The following CSHL1 variants were observed in gnomAD, a reference collection of about 807,000 sequenced individuals.
CSHL1 encodes the protein chorionic somatomammotropin hormone-like 1.
Under a neutral mutation model 24.3 loss-of-function variants are expected in CSHL1, and 25 were observed. The ratio of observed to expected loss-of-function variants is 1.03; its 90% CI spans 0.75 to 1.44. CSHL1 has a LOEUF of 1.44. Ranked by LOEUF, CSHL1 falls within the 40% of genes most tolerant of loss-of-function variation. CSHL1 has a pLI of 0.00. For synonymous variants in CSHL1, 157 were observed against 115.6 expected, an observed-to-expected ratio of 1.36 and a Z score of -2.30; for missense variants, 342 against 279.3, an observed-to-expected ratio of 1.22 and a Z score of -1.60.
rs372091896 is a variant in CSHL1, at chr17:63,910,340, A to T, written c.307-14T>A. 176 of 1,614,076 alleles carry T rather than the reference A, an allele frequency of 1.1e-4. No homozygotes were observed. The African/African-American group carries it at 2.2e-3, about 20-fold the overall frequency. On this transcript the variant is annotated splice_polypyrimidine_tract_variant and intron_variant, in intron 3 of 4. Coordinates refer to ENST00000309894, the MANE Select transcript of CSHL1 (RefSeq NM_022579.3). Reference sequence around the variant, plus strand: ...CAGCTCTAAGTTCTGCAGGGGAAGGACCGGCAGTGGCTGTGCTGCCCGGGG... The same window carrying T: ...CAGCTCTAAGTTCTGCAGGGGAAGGTCCGGCAGTGGCTGTGCTGCCCGGGG...
chr17:63,910,360 C>G (rs761898428), intron 3 of CSHL1, 34 bp from the exon 4 acceptor site: 1 of 1,613,976 alleles, frequency 6.2e-7, no homozygotes, highest in Non-Finnish European at 8.5e-7. Flanking sequence ...GCTGTGCTGC[C>G]CGGGGGCTCT....
intron 2 of CSHL1, 31 bp from the exon 3 acceptor site, chr17:63,910,566 G>A: frequency 6.2e-7 from 1 of 1,614,140 alleles, no homozygotes. Context: ...CCACCAAGAA[G>A]GACCACTGCT....
At position 63,909,777 on chromosome 17, in the gene CSHL1, C is replaced by T. The variant is rs1906700955; in HGVS notation, c.603G>A (p.Met201Ile). The change falls in exon 5 of 5, where the codon ATG becomes ATA. Residue 201 changes from methionine to isoleucine, a missense_variant. Physicochemically the swap from Met to Ile is conservative, Grantham distance 10 (BLOSUM62 1). Coordinates refer to ENST00000309894, the MANE Select transcript of CSHL1 (RefSeq NM_022579.3). ...TGCGCAGGAATGTCTCGACCTTGTC[C>T]ATGTCCTTCCTGAAGCAGTGGAGCA... ...YGLLHCFRKD[M>I]DKVETFLRMV... 6.2e-7 allele frequency: 1 copy of T among 1,614,090 alleles called. No individual in the cohort carries two copies. Among genetic ancestry groups the T allele is most frequent in the Non-Finnish European group, 8.5e-7 (1 of 1,179,982 alleles).
At chr17:63,909,962 C>T in intron 4 of CSHL1, 54 bp from the exon 5 acceptor site, 2 of 1,613,996 alleles carry the variant, frequency 1.2e-6, no homozygotes, top group Non-Finnish European at 1.7e-6. Context: ...CTGTTCCCTC[C>T]CTCTCTCATT....
chr17:63,910,486 C>A lies in CSHL1; in HGVS notation c.240G>T (p.Gln80His), dbSNP rs200860141. 1.2e-6 allele frequency: 2 copies of A among 1,614,164 alleles called. No individual in the cohort carries two copies. The highest frequency in any genetic ancestry group is 3.3e-5 in the Admixed American group (2 of 60,020). ...TAGAGTCTGAGAAGCAGAAGGAGGT[C>A]TGGGAGTCATGCAGGAATGAATACT... is the stretch of plus-strand genomic sequence containing the variant. The part of the protein sequence containing the change: ...EQKYSFLHDS[Q>H]TSFCFSDSIP... Residue 80 changes from glutamine to histidine, a missense_variant, in exon 3 of 5, where the codon CAG (glutamine) becomes CAT (histidine). Physicochemically the swap from Gln to His is conservative, Grantham distance 24 (BLOSUM62 0). Coordinates refer to ENST00000309894, the MANE Select transcript of CSHL1 (RefSeq NM_022579.3).
rs142039417 is a variant in CSHL1 at position 63,911,254 on chromosome 17, A to T, written c.-58T>A. 34,883 of 1,613,730 alleles carry T rather than the reference A, an allele frequency of 0.022. 459 individuals are homozygous for T. The highest frequency in any genetic ancestry group is 0.025 in the Non-Finnish European group (29,564 of 1,179,794). On this transcript the variant is annotated 5_prime_UTR_variant, in exon 1 of 5. Transcript: ENST00000309894. ...GTGGTGCGGGGAGTCGGGCCTTGGG[A>T]TGCTGGAGCTGGTCTCTTGTGGGCC...
rs1219261373 is a variant in CSHL1 at position 63,909,841 on chromosome 17, T to G, written c.539A>C (p.Asn180Thr). ...LKQTYSKFDT[N>T]SHNHDALLKN... ...GAGCAGTGCGTCATGGTTGTGCGAG[T>G]TTGTGTCAAACTTGCTGTAGGTCTG... is the stretch of plus-strand genomic sequence containing the variant. The change falls in exon 5 of 5, where the codon AAC becomes ACC. Residue 180 changes from asparagine to threonine, a missense_variant. Coordinates refer to ENST00000309894, the MANE Select transcript of CSHL1 (RefSeq NM_022579.3). 2 of 1,613,650 alleles carry G rather than the reference T, an allele frequency of 1.2e-6. No individual in the cohort carries two copies. Among genetic ancestry groups the G allele is most frequent in the African/African-American group, 2.7e-5 (2 of 74,824 alleles).
Position 63,909,608 on chromosome 17 carries a change from A to C in CSHL1, c.*103T>G. On this transcript the variant is annotated 3_prime_UTR_variant, in exon 5 of 5. Coordinates refer to ENST00000309894, the MANE Select transcript of CSHL1 (RefSeq NM_022579.3). ...AGAAGGACACCTAGTCAGATGAAACAATACAACTTAATTTTATTAAGACAA... is the reference window on the plus strand; with the variant it reads ...AGAAGGACACCTAGTCAGATGAAACCATACAACTTAATTTTATTAAGACAA... The C allele has an allele frequency of 1.3e-6, 2 of 1,585,796 alleles. No homozygotes were observed. Among genetic ancestry groups the C allele is most frequent in the East Asian group, 2.3e-5 (1 of 44,186 alleles).
chr17:63,909,882 A>G lies in CSHL1; in HGVS notation c.498T>C (p.Thr166=), dbSNP rs1906727880. Reference sequence around the variant, plus strand: ...TGTAGGTCTGCTTGAGGGTCTGCCCAGTCAGGTGGCTGCCGTCTTCCAGCC... The same window carrying G: ...TGTAGGTCTGCTTGAGGGTCTGCCCGGTCAGGTGGCTGCCGTCTTCCAGCC... ...MGRLEDGSHL[T]GQTLKQTYSK... The change falls in exon 5 of 5, where the codon ACT becomes ACC. Residue 166 remains threonine, a synonymous_variant. Coordinates refer to ENST00000309894, the MANE Select transcript of CSHL1 (RefSeq NM_022579.3). 4 of 1,614,004 alleles carry G rather than the reference A, an allele frequency of 2.5e-6. No homozygotes were observed. Among genetic ancestry groups the G allele is most frequent in the Non-Finnish European group, 3.4e-6 (4 of 1,179,870 alleles).
Position 63,910,490 on chromosome 17 carries a change from G to T in CSHL1, c.236C>A (p.Ser79Tyr). The T allele has an allele frequency of 1.9e-6, 3 of 1,614,184 alleles. No individual in the cohort carries two copies. The highest frequency in any genetic ancestry group is 2.5e-6 in the Non-Finnish European group (3 of 1,180,036). The change falls in exon 3 of 5, where the codon TCC becomes TAC. Residue 79 changes from serine (S) to tyrosine (Y), a missense_variant. Ser to Tyr is a moderately radical substitution (Grantham distance 144, BLOSUM62 -2). Coordinates refer to ENST00000309894, the MANE Select transcript of CSHL1 (RefSeq NM_022579.3). ...GTCTGAGAAGCAGAAGGAGGTCTGG[G>T]AGTCATGCAGGAATGAATACTTCTG... Reference protein sequence around the residue: ...KEQKYSFLHDSQTSFCFSDSI... With the variant: ...KEQKYSFLHDYQTSFCFSDSI...
At position 63,910,237 on chromosome 17, in the gene CSHL1, C is replaced by A. The variant is rs1203563282; in HGVS notation, c.396G>T (p.Leu132=). ...CATCGCTGTCCGAGGTGTCATACACCAGGTTGTTGGTGAAGGTACTCCTGA... is the reference window on the plus strand; with the variant it reads ...CATCGCTGTCCGAGGTGTCATACACAAGGTTGTTGGTGAAGGTACTCCTGA... The part of the protein sequence containing the change: ...RFLRSTFTNN[L]VYDTSDSDDY... The change falls in exon 4 of 5, where the codon CTG becomes CTT. Residue 132 remains leucine, a synonymous_variant. Coordinates refer to ENST00000309894, the MANE Select transcript of CSHL1 (RefSeq NM_022579.3). 3.0e-5 allele frequency: 48 copies of A among 1,607,738 alleles called. No homozygotes were observed. The highest frequency in any genetic ancestry group is 3.9e-5 in the Non-Finnish European group (46 of 1,179,864).
rs201773152 is a variant in CSHL1, at chr17:63,910,797, T to C, written c.138A>G (p.Ala46=). Residue 46 remains alanine (A), a synonymous_variant, in exon 2 of 5, where the codon GCA becomes GCG. Transcript: ENST00000309894. The stretch of plus-strand genomic sequence containing the variant: ...GGTAGGTGTCAATGGCCAGCTGGTG[T>C]GCGCGATGGGCTTGGAGCATAGCCT... ...FKEAMLQAHR[A]HQLAIDTYQE... 6.9e-5 allele frequency: 111 copies of C among 1,614,162 alleles called. No individual in the cohort carries two copies. Among genetic ancestry groups the C allele is most frequent in the East Asian group, 3.6e-4 (16 of 44,866 alleles).
Position 63,911,216 on chromosome 17 carries a change from C to A in CSHL1, c.-20G>T. ...AGCCATTGCCGCTAGGTGAGCTGTC[C>A]ACAGGACCCTGAGTGGTGCGGGGAG... On this transcript the variant is annotated 5_prime_UTR_variant, in exon 1 of 5. Coordinates refer to ENST00000309894, the MANE Select transcript of CSHL1 (RefSeq NM_022579.3). The A allele has an allele frequency of 1.9e-6, 3 of 1,613,998 alleles. No homozygotes were observed. Among genetic ancestry groups the A allele is most frequent in the Non-Finnish European group, 2.5e-6 (3 of 1,179,868 alleles).
At chr17:63,910,584 C>T in intron 2 of CSHL1, 49 bp from the exon 3 acceptor site, 1 of 1,614,156 alleles carries the variant, frequency 6.2e-7, no homozygotes, top group South Asian at 1.1e-5. Context: ...GCTTTCTATG[C>T]TGGAGACCAG....
chr17:63,911,051 C>A, intron 1 of CSHL1, 127 bp from the exon 2 acceptor site: 2 of 1,610,690 alleles, frequency 1.2e-6, no homozygotes, highest in Non-Finnish European at 1.7e-6. Flanking sequence ...CAGAGATTGG[C>A]CAAATATCTG....
chr17:63,911,060 T>C, intron 1 of CSHL1, 127 bp downstream of exon 1: 2 of 1,610,972 alleles, frequency 1.2e-6, no homozygotes, highest in Non-Finnish European at 1.7e-6. Flanking sequence ...GCCAAATATC[T>C]GGCCTTAGAT....
Position 63,909,868 on chromosome 17 carries a change from T to C in CSHL1, c.512A>G (p.Lys171Arg), listed in dbSNP as rs1408018591. The C allele has an allele frequency of 6.2e-7, 1 of 1,614,006 alleles. No homozygotes were observed. Among genetic ancestry groups the C allele is most frequent in the Non-Finnish European group, 8.5e-7 (1 of 1,179,864 alleles). The change falls in exon 5 of 5, where the codon AAG becomes AGG. Residue 171 changes from lysine to arginine, a missense_variant. By Grantham distance (26) the Lys-to-Arg change is conservative. Coordinates refer to ENST00000309894, the MANE Select transcript of CSHL1 (RefSeq NM_022579.3). The part of the protein sequence containing the change: ...DGSHLTGQTL[K>R]QTYSKFDTNS... ...TGTGTCAAACTTGCTGTAGGTCTGC[T>C]TGAGGGTCTGCCCAGTCAGGTGGCT...
intron 1 of CSHL1, 112 bp from the exon 2 acceptor site, chr17:63,911,036 A>T: frequency 6.2e-7 from 1 of 1,610,662 alleles, no homozygotes; most frequent in South Asian, 1.1e-5. Flanking sequence ...GGGACCAGGA[A>T]CATTCAGAGA....
At position 63,910,181 on chromosome 17, in the gene CSHL1, C is replaced by G. The variant is rs1258799956; in HGVS notation, c.452G>C (p.Gly151Ala). ...DYHLLKDLEE[G>A]IQMLMGRLED... ...CCTCACCCCCATCAGCATTTGGATG[C>G]CTTCCTCTAGGTCCTTTAGGAGGTG... Residue 151 changes from glycine (G) to alanine (A), a missense_variant, in exon 4 of 5, where the codon GGC becomes GCC. Physicochemically the swap from Gly to Ala is moderately conservative, Grantham distance 60 (BLOSUM62 0). Transcript: ENST00000309894. 1.2e-6 allele frequency: 2 copies of G among 1,614,194 alleles called. No homozygotes were observed. The highest frequency in any genetic ancestry group is 1.7e-6 in the Non-Finnish European group (2 of 1,180,038).
Sources: allele counts gnomAD v4.1 joint callset, GRCh38; gene constraint gnomAD v4.1.1; transcripts MANE v1.5; gene names NCBI Gene and HGNC (gene_info 2026-07-23, HGNC 2026-07-21).